The following PCDHA10 variants were observed in gnomAD, a reference collection of about 807,000 sequenced individuals.
The protein encoded by PCDHA10 is protocadherin alpha-10.
PCDHA10 carries 45 observed loss-of-function variants against 61.2 expected under a neutral mutation model. That is an observed-to-expected ratio of 0.74 (90% CI 0.58 to 0.94). The LOEUF (loss-of-function observed/expected upper bound fraction) is 0.94, where lower values mean the gene tolerates loss of function less well. PCDHA10 is among the 40% of genes least tolerant of loss of function. The pLI, the probability that PCDHA10 is intolerant of heterozygous loss-of-function variation, is 0.00. For synonymous variants in PCDHA10, 602 were observed against 548.8 expected, an observed-to-expected ratio of 1.10 and a Z score of -1.35; for missense variants, 1,278 against 1,236.2, an observed-to-expected ratio of 1.03 and a Z score of -0.51.
chr5:140,978,037 A>G (rs1260035731), intron 1 of PCDHA10, among the ~76,000 whole-genome samples: 12 of 152,322 alleles, frequency 7.9e-5, no homozygotes, highest in African/African-American at 2.4e-4. Flanking sequence ...GATACAAGAC[A>G]GTGATGGTGA....
intron 1 of PCDHA10, chr5:140,870,896 C>A (rs946837071): frequency 4.3e-6 from 7 of 1,613,822 alleles, no homozygotes; most frequent in Non-Finnish European, 5.9e-6. Context: ...GCAGTGGATG[C>A]GGACTCAGGC....
chr5:140,871,092 C>T lies in PCDHA10; in HGVS notation c.2388+12656C>T, dbSNP rs575877743. 10 of 1,613,260 alleles carry T rather than the reference C, an allele frequency of 6.2e-6. No homozygotes were observed. The Admixed American group carries it at 8.3e-5, about 13-fold the overall frequency. ...AGCCGGCGCTGACGGCCACGGCCAC[C>T]GTGCTGGTGTCGTTGGTGGAGAGCG... is the stretch of plus-strand genomic sequence containing the variant. On this transcript the variant is annotated intron_variant, in intron 1 of 3. Transcript: ENST00000307360.
At chr5:140,882,210 C>G in intron 1 of PCDHA10, 3 of 1,533,604 alleles carry the variant, frequency 2.0e-6, no homozygotes, top group Admixed American at 2.1e-5. Flanking sequence ...CCTTGAGAGA[C>G]AGTTTGAGGT....
chr5:140,857,736 C>A lies in PCDHA10; in HGVS notation c.1688C>A (p.Ala563Glu), dbSNP rs1554150585. Reference sequence around the variant, plus strand: ...CTGGACGAGAACGACAACGCTCCCGCGCTGCTGGCGTCTCCCGCTGGCAGC... The same window carrying A: ...CTGGACGAGAACGACAACGCTCCCGAGCTGCTGGCGTCTCCCGCTGGCAGC... The part of the protein sequence containing the change: ...FVLDENDNAP[A>E]LLASPAGSAG... Residue 563 changes from alanine (A) to glutamate (E), a missense_variant, in exon 1 of 4, where the codon GCG (alanine) becomes GAG (glutamate). Physicochemically the swap from Ala to Glu is moderately radical, Grantham distance 107. Transcript: ENST00000307360. 1 of 1,597,364 alleles carries A rather than the reference C, an allele frequency of 6.3e-7. No individual in the cohort carries two copies. Among genetic ancestry groups the A allele is most frequent in the Admixed American group, 1.7e-5 (1 of 59,252 alleles).
At position 140,941,221 on chromosome 5, in the gene PCDHA10, T is replaced by TTC. The variant is rs1217645089; in HGVS notation, c.2389-37726_2389-37725dup. Among the ~76,000 whole-genome samples the TTC allele has an allele frequency of 5.2e-4, 68 of 131,640 alleles. 1 individual carries two copies. Among genetic ancestry groups the TTC allele is most frequent in the African/African-American group, 2.0e-3 (67 of 33,088 alleles). 86.4% of individuals were successfully genotyped at this position (131,640 alleles called of 152,430 possible). A position where few individuals can be genotyped will look rare whatever the true frequency, so the allele number is the denominator to read the frequency against. Reference sequence around the variant, plus strand: ...TTTCTTCCTTTCTTTCTTCCTTTCTTTCTTTCTTTCTTTCTTTCTTTCTTT... The same window carrying TTC: ...TTTCTTCCTTTCTTTCTTCCTTTCTTTCTCTTTCTTTCTTTCTTTCTTTCTTT... On this transcript the variant is annotated intron_variant, in intron 1 of 3. Transcript: ENST00000307360.
At chr5:140,986,694 C>T (rs556228464) in intron 3 of PCDHA10, among the ~76,000 whole-genome samples, 1 of 152,266 alleles carries the variant, frequency 6.6e-6, no homozygotes, top group South Asian at 2.1e-4. Context: ...TTTCAAAACA[C>T]ACAGCACTGC....
intron 1 of PCDHA10, chr5:140,877,704 C>A: frequency 6.2e-7 from 1 of 1,613,954 alleles, no homozygotes; most frequent in Non-Finnish European, 8.5e-7. Context: ...GCTCCAGCGC[C>A]GTGGGGAGTT....
chr5:140,958,900 C>T (rs246008), intron 1 of PCDHA10, among the ~76,000 whole-genome samples: 85,461 of 151,702 alleles, frequency 0.56, 24,676 homozygotes, highest in African/African-American at 0.69. Flanking sequence ...ATAATAGATA[C>T]AGAAAAGTCT....
At chr5:140,966,955 C>T in intron 1 of PCDHA10, 1 of 1,602,734 alleles carries the variant, frequency 6.2e-7, no homozygotes, top group East Asian at 2.2e-5. Context: ...ACGTGGCTCG[C>T]GCGCTGGGGC....
intron 1 of PCDHA10, chr5:140,929,486 T>G (rs1258020318): frequency 8.8e-7 from 1 of 1,141,828 alleles, no homozygotes; most frequent in Non-Finnish European, 1.2e-6. Flanking sequence ...TATAGAAGTA[T>G]TAGAAGATTG....
chr5:140,908,904 G>A (rs1467772032), intron 1 of PCDHA10, among the ~76,000 whole-genome samples: 2 of 152,194 alleles, frequency 1.3e-5, no homozygotes, highest in Non-Finnish European at 1.5e-5. Flanking sequence ...AGCCTCTTTC[G>A]TGGTTGTAGG....
chr5:140,921,824 A>G (rs1554200461), intron 1 of PCDHA10, among the ~76,000 whole-genome samples: 1 of 152,172 alleles, frequency 6.6e-6, no homozygotes. Flanking sequence ...GTGAATATCT[A>G]TACACATATA....
intron 1 of PCDHA10, chr5:140,883,440 C>T (rs781949896): frequency 1.9e-6 from 3 of 1,614,152 alleles, no homozygotes; most frequent in Non-Finnish European, 2.5e-6. Flanking sequence ...ACCTTGACGC[C>T]GCATGTCCCC....
chr5:140,988,560 T>C (rs1184536302), intron 3 of PCDHA10, among the ~76,000 whole-genome samples: 3 of 152,138 alleles, frequency 2.0e-5, no homozygotes, highest in Admixed American at 2.0e-4. Context: ...CATCTTCTTC[T>C]TGGGAAAACA....
At chr5:140,861,557 G>A in intron 1 of PCDHA10, 1 of 398,292 alleles carries the variant, frequency 2.5e-6, no homozygotes, top group Non-Finnish European at 5.2e-6. Context: ...AAGTGATCGT[G>A]GACAAGCTGC....
chr5:140,959,696 G>A (rs1344206142), intron 1 of PCDHA10, among the ~76,000 whole-genome samples: 1 of 152,098 alleles, frequency 6.6e-6, no homozygotes, highest in Non-Finnish European at 1.5e-5. Flanking sequence ...AATAAAATGA[G>A]CTTTGAAAGG....
intron 1 of PCDHA10, chr5:140,869,216 A>C: frequency 6.2e-7 from 1 of 1,613,836 alleles, no homozygotes; most frequent in South Asian, 1.1e-5. Flanking sequence ...GTCTCGGAGG[A>C]GGCCAAACAC....
At chr5:140,893,456 C>G (rs781790396) in intron 1 of PCDHA10, among the ~76,000 whole-genome samples, 44 of 151,918 alleles carry the variant, frequency 2.9e-4, no homozygotes, top group Non-Finnish European at 2.6e-4. Flanking sequence ...AGTTCAAGAC[C>G]AGCCTGGGCA....
At chr5:140,922,072 A>C (rs1390677282) in intron 1 of PCDHA10, among the ~76,000 whole-genome samples, 1 of 152,198 alleles carries the variant, frequency 6.6e-6, no homozygotes, top group East Asian at 1.9e-4. Context: ...AATCCCACTA[A>C]GCAAAAAGTG....
Sources: allele counts gnomAD v4.1 joint callset (sites outside exome capture counted in the v4.1 genomes callset), GRCh38; gene constraint gnomAD v4.1.1; transcripts MANE v1.5; gene names NCBI Gene and HGNC (gene_info 2026-07-23, HGNC 2026-07-21).